PLA2G4B: variants seen among roughly 807,000 people sequenced by gnomAD.
The protein encoded by PLA2G4B is cytosolic phospholipase A2 beta.
A neutral mutation model predicts 95.8 loss-of-function variants in PLA2G4B; 122 were observed. The ratio of observed to expected loss-of-function variants is 1.27; its 90% CI spans 1.10 to 1.48. The LOEUF is 1.48. PLA2G4B is among the 40% of genes most tolerant of loss of function. The pLI is 0.00. For missense variants in PLA2G4B, 1,158 were observed against 996.2 expected, an observed-to-expected ratio of 1.16 and a Z score of -2.19; for synonymous variants, 518 against 421.5, an observed-to-expected ratio of 1.23 and a Z score of -2.80.
Position 41,846,028 on chromosome 15 carries a change from C to A in PLA2G4B, c.1581C>A (p.Val527=). ...CCAGCCAGTTCTGGGACCGCTGGGT[C>A]AGGAACCAGGCCAACCTGGGTAAGT... ...SEPSQFWDRW[V]RNQANLDKEQ... The change falls in exon 16 of 20, where the codon GTC becomes GTA. Residue 527 remains valine, a synonymous_variant. Transcript: ENST00000458483. 6.4e-7 allele frequency: 1 copy of A among 1,550,602 alleles called. No individual in the cohort carries two copies. The highest frequency in any genetic ancestry group is 1.2e-5 in the South Asian group (1 of 81,792).
chr15:41,843,955 C>T lies in PLA2G4B; in HGVS notation c.879+144C>T, dbSNP rs1054342904. 12 of 1,415,462 alleles carry T rather than the reference C, an allele frequency of 8.5e-6. No homozygotes were observed. In the African/African-American group the frequency reaches 1.6e-4, roughly 19 times the overall value. 87.7% of individuals were successfully genotyped at this position (1,415,462 alleles called of 1,614,324 possible). On this transcript the variant is annotated intron_variant, in intron 11 of 19. Coordinates refer to ENST00000458483, the MANE Select transcript of PLA2G4B (RefSeq NM_001114633.2). ...CCTGCTTCCTCTCACCTGGTGTTAG[C>T]AGGGACTTGGTACAGGCAGAGTGTT... is the stretch of plus-strand genomic sequence containing the variant.
At position 41,845,010 on chromosome 15, in the gene PLA2G4B, C is replaced by T; in HGVS notation, c.1179C>T (p.Gly393=). Reference sequence around the variant, plus strand: ...AGCTGGCCGAGCGTGCCCGCTTGGGCTACCCAAGCTGCTTCACCAACCTGT... The same window carrying T: ...AGCTGGCCGAGCGTGCCCGCTTGGGTTACCCAAGCTGCTTCACCAACCTGT... ...RQELAERARL[G]YPSCFTNLWA... is the part of the protein sequence containing the mutation. Residue 393 remains glycine, a synonymous_variant, in exon 13 of 20, where the codon GGC becomes GGT. Coordinates refer to ENST00000458483, the MANE Select transcript of PLA2G4B (RefSeq NM_001114633.2). 2 of 1,605,384 alleles carry T rather than the reference C, an allele frequency of 1.2e-6. No individual in the cohort carries two copies. Among genetic ancestry groups the T allele is most frequent in the Non-Finnish European group, 8.5e-7 (1 of 1,176,228 alleles).
At chr15:41,845,380 A>C in intron 14 of PLA2G4B, 60 bp downstream of exon 14, 2 of 1,580,394 alleles carry the variant, frequency 1.3e-6, no homozygotes, top group Non-Finnish European at 8.6e-7. Flanking sequence ...GGGGAGAACG[A>C]GGACTGTGTG....
chr15:41,844,484 C>G lies in PLA2G4B; in HGVS notation c.893C>G (p.Ala298Gly), dbSNP rs754354648. ...DLQEDEIPVV[A>G]IMATGGGIRA... ...CTTCTTTTCCAGATCCCAGTGGTAG[C>G]TATTATGGCCACTGGTGGTGGGATC... The change falls in exon 12 of 20, where the codon GCT becomes GGT. Residue 298 changes from alanine to glycine, a missense_variant. By Grantham distance (60) the Ala-to-Gly change is moderately conservative. Transcript: ENST00000458483. 6.2e-7 allele frequency: 1 copy of G among 1,614,176 alleles called. No homozygotes were observed. Among genetic ancestry groups the G allele is most frequent in the Admixed American group, 1.7e-5 (1 of 60,026 alleles).
At position 41,845,032 on chromosome 15, in the gene PLA2G4B, C is replaced by T. The variant is rs749646526; in HGVS notation, c.1201C>T (p.Leu401=). Residue 401 remains leucine (L), a synonymous_variant, in exon 13 of 20, where the codon CTG becomes TTG. Transcript: ENST00000458483. ...GGGCTACCCAAGCTGCTTCACCAAC[C>T]TGTGGGCCCTCATCAACGAGGCGCT... ...RLGYPSCFTN[L]WALINEALLH... The T allele has an allele frequency of 1.4e-5, 22 of 1,601,084 alleles. No homozygotes were observed. Among genetic ancestry groups the T allele is most frequent in the Middle Eastern group, 1.7e-4 (1 of 6,046 alleles).
chr15:41,845,591 T>C (rs375872480), intron 14 of PLA2G4B, 47 bp from the exon 15 acceptor site: 3 of 1,609,566 alleles, frequency 1.9e-6, no homozygotes, highest in Non-Finnish European at 2.5e-6. Context: ...GGGGTGTGGG[T>C]GCCTAAGGGC....
intron 10 of PLA2G4B, 34 bp downstream of exon 10, chr15:41,842,625 T>C: frequency 6.2e-7 from 1 of 1,604,420 alleles, no homozygotes; most frequent in Non-Finnish European, 8.5e-7. Context: ...GGCAAGGCCC[T>C]GGAAAACAAC....
In PLA2G4B at chr15:41,840,919, T is replaced by G. The variant is rs2065418839; in HGVS notation, c.351+14T>G. ...CTGAGCCCTCAGGCAAGGCGGTGTT[T>G]CCACGGCAGCCCTAGCTGGTGTCTG... On this transcript the variant is annotated intron_variant, in intron 4 of 19. Transcript: ENST00000458483. The G allele has an allele frequency of 1.2e-6, 2 of 1,610,342 alleles. No homozygotes were observed. Among genetic ancestry groups the G allele is most frequent in the African/African-American group, 2.7e-5 (2 of 74,892 alleles).
rs1567171882 is a variant in PLA2G4B, at chr15:41,845,240, T to C, written c.1277T>C (p.Leu426Pro). 2 of 1,614,120 alleles carry C rather than the reference T, an allele frequency of 1.2e-6. No homozygotes were observed. The highest frequency in any genetic ancestry group is 1.3e-5 in the African/African-American group (1 of 75,046). Reference protein sequence around the residue: ...DHKLSDQREALSHGQNPLPIY... With the variant: ...DHKLSDQREAPSHGQNPLPIY... The stretch of plus-strand genomic sequence containing the variant: ...AAGCTCTCAGATCAACGGGAGGCCC[T>C]GAGTCATGGCCAGAACCCTCTGCCC... Residue 426 changes from leucine to proline, a missense_variant, in exon 14 of 20, where the codon CTG becomes CCG. Leu to Pro is a moderately conservative substitution (Grantham distance 98, BLOSUM62 -3). Coordinates refer to ENST00000458483, the MANE Select transcript of PLA2G4B (RefSeq NM_001114633.2).
chr15:41,840,709 G>A (rs1294441651), intron 3 of PLA2G4B, 49 bp downstream of exon 3: 1 of 1,605,914 alleles, frequency 6.2e-7, no homozygotes, highest in Non-Finnish European at 8.5e-7. Flanking sequence ...GCCAGCCACT[G>A]CCGCTGCCCT....
chr15:41,848,089 C>T lies in PLA2G4B; in HGVS notation c.*229C>T. 1.6e-6 allele frequency: 1 copy of T among 610,442 alleles called. No homozygotes were observed. The allele number at this position is 610,442 out of a possible 1,614,324, so 37.8% of individuals were successfully genotyped here. On this transcript the variant is annotated 3_prime_UTR_variant, in exon 20 of 20. Coordinates refer to ENST00000458483, the MANE Select transcript of PLA2G4B (RefSeq NM_001114633.2). Reference sequence around the variant, plus strand: ...ACCCCCCGGCCTGTGCCTGTTTTCCCTTCTGCGCTACCTTGAGTAGTTGGA... The same window carrying T: ...ACCCCCCGGCCTGTGCCTGTTTTCCTTTCTGCGCTACCTTGAGTAGTTGGA...
In PLA2G4B at chr15:41,840,593, C is replaced by T. The variant is rs146319460; in HGVS notation, c.152C>T (p.Thr51Met). ...TACSHRLQTR[T>M]VKNSSSPVWN... is the part of the protein sequence containing the mutation. ...TGCAGCCACAGGCTCCAGACACGCA[C>T]GGTCAAGAACAGCAGTAGCCCTGTC... The change falls in exon 3 of 20, where the codon ACG becomes ATG. Residue 51 changes from threonine to methionine, a missense_variant. Transcript: ENST00000458483. The T allele has an allele frequency of 3.4e-4, 550 of 1,613,992 alleles. No homozygotes were observed. The Middle Eastern group carries it at 4.1e-3, about 12-fold the overall frequency.
At position 41,847,529 on chromosome 15, in the gene PLA2G4B, C is replaced by T; in HGVS notation, c.2134+6C>T. The T allele has an allele frequency of 6.2e-7, 1 of 1,602,580 alleles. No homozygotes were observed. Among genetic ancestry groups the T allele is most frequent in the Non-Finnish European group, 8.5e-7 (1 of 1,171,884 alleles). Reference sequence around the variant, plus strand: ...CCGGGAGTACTCGGCCCCTGGTGAGCTGCTGTTCACCTCCCCATCCTGCTG... The same window carrying T: ...CCGGGAGTACTCGGCCCCTGGTGAGTTGCTGTTCACCTCCCCATCCTGCTG... On this transcript the variant is annotated splice_donor_region_variant and intron_variant, in intron 19 of 19. Coordinates refer to ENST00000458483, the MANE Select transcript of PLA2G4B (RefSeq NM_001114633.2).
intron 16 of PLA2G4B, 69 bp downstream of exon 16, chr15:41,846,116 G>T (rs755793660): frequency 3.2e-6 from 5 of 1,576,778 alleles, no homozygotes; most frequent in Non-Finnish European, 3.5e-6. Flanking sequence ...GGGGGCGGGG[G>T]GTTCACACCT....
intron 9 of PLA2G4B, 94 bp from the exon 10 acceptor site, chr15:41,842,460 G>C: frequency 1.9e-6 from 3 of 1,542,246 alleles, no homozygotes; most frequent in Admixed American, 2.1e-5. Context: ...AGACGGTGGC[G>C]GGGCGGGGGT....
chr15:41,846,277 G>C lies in PLA2G4B; in HGVS notation c.1675G>C (p.Asp559His), dbSNP rs367918000. The C allele has an allele frequency of 5.0e-6, 8 of 1,614,102 alleles. No homozygotes were observed. The South Asian group carries it at 6.6e-5, about 13-fold the overall frequency. ...TAGRIAEFFT[D>H]LLTWRPLAQA... is the part of the protein sequence containing the mutation. Reference sequence around the variant, plus strand: ...CGGCAGGATAGCTGAGTTTTTCACCGATCTTCTGACGTGGCGTCCACTGGC... The same window carrying C: ...CGGCAGGATAGCTGAGTTTTTCACCCATCTTCTGACGTGGCGTCCACTGGC... The change falls in exon 17 of 20, where the codon GAT becomes CAT. Residue 559 changes from aspartate to histidine, a missense_variant. Transcript: ENST00000458483.
At chr15:41,839,870 G>A (rs936724251) in intron 1 of PLA2G4B, 41 of 376,960 alleles carry the variant, frequency 1.1e-4, no homozygotes, top group Non-Finnish European at 2.4e-5. Context: ...TTTCCTTGTG[G>A]AGTGGGCCAT....
rs769178088 is a variant in PLA2G4B, at chr15:41,846,776, C to T, written c.1888C>T (p.Pro630Ser). 1 of 1,613,972 alleles carries T rather than the reference C, an allele frequency of 6.2e-7. No homozygotes were observed. Among genetic ancestry groups the T allele is most frequent in the Non-Finnish European group, 8.5e-7 (1 of 1,179,956 alleles). ...TACCAGCTGCCTGCCCCTCCTGCAG[C>T]CCACTCGGGACGTGGACCTCATCCT... ...INTSCLPLLQ[P>S]TRDVDLILSL... Residue 630 changes from proline to serine, a missense_variant, in exon 18 of 20, where the codon CCC becomes TCC. By Grantham distance (74) the Pro-to-Ser change is moderately conservative. Coordinates refer to ENST00000458483, the MANE Select transcript of PLA2G4B (RefSeq NM_001114633.2).
Position 41,847,045 on chromosome 15 carries a change from T to G in PLA2G4B, c.1947+210T>G, listed in dbSNP as rs1362217684. On this transcript the variant is annotated intron_variant, in intron 18 of 19. Transcript: ENST00000458483. ...CTGGTATCTTGTAGCTGGGTCCCCT[T>G]TACTGACCTGCGAGGTGTGGTCCTG... Among the ~76,000 whole-genome samples the G allele has an allele frequency of 2.0e-5, 3 of 152,062 alleles. No individual in the cohort carries two copies. The East Asian group carries it at 5.8e-4, about 29-fold the overall frequency.
Sources: gnomAD v4.1 joint callset for allele counts (sites outside exome capture counted in the v4.1 genomes callset) on GRCh38, gnomAD v4.1.1 for gene constraint, MANE v1.5 for transcripts, NCBI Gene and HGNC (gene_info 2026-07-23, HGNC 2026-07-21) for gene names.